ASIP: variants seen among roughly 807,000 people sequenced by gnomAD.
ASIP encodes agouti-signaling protein.
A neutral mutation model predicts 10.3 loss-of-function variants in ASIP; 11 were observed. That is an observed-to-expected ratio of 1.07 (90% CI 0.68 to 1.78). The LOEUF (loss-of-function observed/expected upper bound fraction) is 1.78. ASIP is among the 40% of genes most tolerant of loss of function. ASIP has a pLI of 0.00. For missense variants in ASIP, 180 were observed against 169.2 expected (o/e 1.06, Z -0.35); for synonymous variants, 70 against 70.8 (o/e 0.99, Z 0.06).
chr20:34,239,112 T>G (rs2035249409), upstream of ASIP, among the ~76,000 whole-genome samples: 1 of 152,212 alleles, frequency 6.6e-6, no homozygotes. Flanking sequence ...ACTTGATATC[T>G]TTTCTGCTTT....
intron 1 of ASIP, among the ~76,000 whole-genome samples, chr20:34,210,855 G>A (rs1217383036): frequency 2.6e-5 from 4 of 152,150 alleles, no homozygotes; most frequent in Non-Finnish European, 1.5e-5. Context: ...CACAGTGACT[G>A]ATTTTTTTGA....
intron 3 of ASIP, among the ~76,000 whole-genome samples, chr20:34,264,336 A>G (rs2035748645): frequency 6.6e-6 from 1 of 152,242 alleles, no homozygotes; most frequent in Non-Finnish European, 1.5e-5. Context: ...AGGTGTTGCG[A>G]GTACGTGCTT....
intron 1 of ASIP, among the ~76,000 whole-genome samples, chr20:34,221,359 C>T (rs1258276949): frequency 6.6e-6 from 1 of 151,246 alleles, no homozygotes; most frequent in African/African-American, 2.4e-5. Flanking sequence ...GCCTGGGCGA[C>T]AGAGCGAGAC....
chr20:34,226,278 AAAAAG>A (rs2035092467), intron 1 of ASIP, among the ~76,000 whole-genome samples: 1 of 152,236 alleles, frequency 6.6e-6, no homozygotes, highest in South Asian at 2.1e-4. Context: ...TAACAGACTA[AAAAAG>A]AAAAGCTATA....
At chr20:34,195,341 T>C (rs2034848561) in intron 1 of ASIP, among the ~76,000 whole-genome samples, 1 of 152,178 alleles carries the variant, frequency 6.6e-6, no homozygotes, top group African/African-American at 2.4e-5. Context: ...GTCTCCCAAC[T>C]GAGCTGAGCC....
intron 1 of ASIP, among the ~76,000 whole-genome samples, chr20:34,205,060 G>C (rs1216486546): frequency 6.6e-6 from 1 of 152,214 alleles, no homozygotes; most frequent in Non-Finnish European, 1.5e-5. Flanking sequence ...CCAAGTACAA[G>C]TGTGCCTGGA....
intron 1 of ASIP, 54 bp from the exon 2 acceptor site, chr20:34,260,311 C>T: frequency 2.6e-6 from 4 of 1,536,222 alleles, no homozygotes; most frequent in African/African-American, 1.4e-5. Context: ...GCAGGAAGGC[C>T]TCTTACCATT....
At chr20:34,235,551 C>T (rs2035169257) in intron 1 of ASIP, among the ~76,000 whole-genome samples, 1 of 152,036 alleles carries the variant, frequency 6.6e-6, no homozygotes, top group East Asian at 1.9e-4. Context: ...AGATTGAAGA[C>T]CAGGCAACAG....
intron 1 of ASIP, among the ~76,000 whole-genome samples, chr20:34,253,937 T>G (rs567591725): frequency 1.3e-5 from 2 of 152,354 alleles, no homozygotes; most frequent in African/African-American, 4.8e-5. Context: ...AAAGGAGAAC[T>G]GTCATCAGAG....
chr20:34,250,568 C>T (rs545810154), intron 1 of ASIP, among the ~76,000 whole-genome samples: 5 of 152,114 alleles, frequency 3.3e-5, no homozygotes, highest in East Asian at 3.9e-4. Context: ...GAGGCTGAGG[C>T]GGGCGGATCA....
chr20:34,235,977 GAAGAAGGA>G (rs1355362884), intron 1 of ASIP, among the ~76,000 whole-genome samples: 1 of 128,748 alleles, frequency 7.8e-6, no homozygotes, highest in Non-Finnish European at 1.6e-5. Flanking sequence ...GGGAGGGAGG[GAAGAAGGA>G]AAGAAGGAAG....
intron 1 of ASIP, among the ~76,000 whole-genome samples, chr20:34,196,020 CTA>C: frequency 6.6e-6 from 1 of 152,152 alleles, no homozygotes; most frequent in East Asian, 1.9e-4. Context: ...CTTGGTTCCA[CTA>C]TGAGTGTTTC....
intron 1 of ASIP, among the ~76,000 whole-genome samples, chr20:34,220,068 C>T (rs1386004186): frequency 2.0e-5 from 3 of 150,698 alleles, no homozygotes; most frequent in Non-Finnish European, 3.0e-5. Context: ...CCAGCCTGGG[C>T]GACAGAGCGA....
At position 34,216,852 on chromosome 20, in the gene ASIP, A is replaced by G. The variant is rs574216401; in HGVS notation, c.-11+22092A>G. Among the ~76,000 whole-genome samples the G allele has an allele frequency of 6.9e-4, 105 of 152,194 alleles. 1 individual carries two copies. The highest frequency in any genetic ancestry group is 1.1e-3 in the Admixed American group (17 of 15,290). On this transcript the variant is annotated intron_variant, in intron 1 of 3. Coordinates refer to the ASIP transcript ENST00000568305. ...ATATTCTAAATTTGTTCTTTTTTCA[A>G]TATTGTTTTGATTATTCTAGGTCCT...
intron 1 of ASIP, among the ~76,000 whole-genome samples, chr20:34,254,164 G>A (rs1337090906): frequency 6.6e-6 from 1 of 152,040 alleles, no homozygotes; most frequent in African/African-American, 2.4e-5. Flanking sequence ...CTGGATTCAA[G>A]TGATGCTTCT....
chr20:34,235,042 A>G (rs1271124985), intron 1 of ASIP: 1 of 152,230 alleles, frequency 6.6e-6, no homozygotes, highest in Admixed American at 6.5e-5. Flanking sequence ...TGGAAATGAA[A>G]TTTAAAGTAA....
Position 34,258,690 on chromosome 20 carries a change from T to TATATATATATATATATATATATAC in ASIP, c.-10-1674_-10-1673insTATATATATATATATATATATACA, listed in dbSNP as rs1250992566. 2.4e-3 allele frequency among the ~76,000 whole-genome samples: 175 copies of TATATATATATATATATATATATAC among 72,290 alleles called. 15 individuals are homozygous for TATATATATATATATATATATATAC. Among genetic ancestry groups the TATATATATATATATATATATATAC allele is most frequent in the Non-Finnish European group, 3.5e-3 (151 of 43,562 alleles). The allele number at this position is 72,290 out of a possible 152,430, so 47.4% of individuals were successfully genotyped here. ...GGGGGATGCCATATATATATATATA[T>TATATATATATATATATATATATAC]ACATACTATATATATATATTATATA... On this transcript the variant is annotated intron_variant, in intron 1 of 3. Transcript: ENST00000374954.
At chr20:34,249,760 G>A (rs2035443377) in intron 1 of ASIP, among the ~76,000 whole-genome samples, 1 of 152,102 alleles carries the variant, frequency 6.6e-6, no homozygotes, top group Non-Finnish European at 1.5e-5. Flanking sequence ...TAGGGCATCC[G>A]TTATTCACAT....
intron 1 of ASIP, among the ~76,000 whole-genome samples, chr20:34,201,058 T>TTCTTTCTTTC (rs1568744590): frequency 9.8e-6 from 1 of 102,010 alleles, no homozygotes; most frequent in Non-Finnish European, 2.2e-5. Context: ...CTTTCTTTCT[T>TTCTTTCTTTC]TCTTTTTTTT....
Sources: allele counts gnomAD v4.1 joint callset (sites outside exome capture counted in the v4.1 genomes callset), GRCh38; gene constraint gnomAD v4.1.1; transcripts MANE v1.5; gene names NCBI Gene and HGNC (gene_info 2026-07-23, HGNC 2026-07-21).